The following EMSY variants were observed in gnomAD, a reference collection of about 807,000 sequenced individuals.
EMSY encodes BRCA2-interacting transcriptional repressor EMSY.
In EMSY, 26 loss-of-function variants were observed where a neutral mutation model predicts 134.6. That is an observed-to-expected ratio of 0.19 (90% CI 0.14 to 0.27). The LOEUF (loss-of-function observed/expected upper bound fraction) is 0.27. Ranked by LOEUF, EMSY falls within the 10% of genes least tolerant of loss-of-function variation. The probability of loss-of-function intolerance (pLI) is 1.00; values close to 1 mark genes in which losing one functional copy is unlikely to be tolerated. For missense variants in EMSY, 1,305 were observed against 1,611.4 expected, an observed-to-expected ratio of 0.81 and a Z score of 3.26; for synonymous variants, 579 against 577.8, an observed-to-expected ratio of 1.00 and a Z score of -0.03.
chr11:76,462,589 G>T (rs769697421), intron 6 of EMSY, among the ~76,000 whole-genome samples: 1 of 152,172 alleles, frequency 6.6e-6, no homozygotes, highest in Non-Finnish European at 1.5e-5. Context: ...CTAAGGAGAT[G>T]GCTTGTAGGA....
rs965918577 is a variant in EMSY at position 76,496,788 on chromosome 11, A to G, written c.1363+319A>G. ...ACTCACTTGTTCTCAGAGTATTTAC[A>G]TAGATTCCTTGGGATTTTCTGTGTA... is the stretch of plus-strand genomic sequence containing the variant. On this transcript the variant is annotated intron_variant, in intron 9 of 20. Transcript: ENST00000334736. The G allele has an allele frequency of 4.1e-5, 15 of 363,366 alleles. No individual in the cohort carries two copies. The Admixed American group carries it at 6.4e-4, about 16-fold the overall frequency. 22.5% of individuals were successfully genotyped at this position (363,366 alleles called of 1,614,324 possible).
At chr11:76,458,402 A>G (rs960594167) in intron 5 of EMSY, 44 bp downstream of exon 6, 27 of 1,480,942 alleles carry the variant, frequency 1.8e-5, no homozygotes, top group Non-Finnish European at 2.3e-5. Context: ...CTTTTCTTAG[A>G]ATCTTCAAGA....
At chr11:76,488,505 C>T (rs1454081498) in intron 8 of EMSY, among the ~76,000 whole-genome samples, 1 of 149,508 alleles carries the variant, frequency 6.7e-6, no homozygotes, top group Non-Finnish European at 1.5e-5. Context: ...TGTTACAGAG[C>T]CCATGGATTA....
intron 4 of EMSY, among the ~76,000 whole-genome samples, chr11:76,456,022 G>C (rs1416497627): frequency 4.6e-5 from 7 of 152,116 alleles, no homozygotes; most frequent in Admixed American, 3.9e-4. Flanking sequence ...AGTTTCATTA[G>C]TATAATCTTA....
chr11:76,542,044 T>C (rs1951458326), intron 17 of EMSY, 172 bp from the exon 19 acceptor site: 1 of 748,690 alleles, frequency 1.3e-6, no homozygotes, highest in East Asian at 2.6e-5. Context: ...TAAGAGACTT[T>C]CTTAGAGTCA....
chr11:76,485,980 A>G (rs1267242116), intron 8 of EMSY, among the ~76,000 whole-genome samples: 6 of 152,234 alleles, frequency 3.9e-5, no homozygotes, highest in Non-Finnish European at 8.8e-5. Context: ...TGTTCACAAT[A>G]GCAAAGACTT....
chr11:76,477,371 A>G (rs1414839111), intron 8 of EMSY, among the ~76,000 whole-genome samples: 6 of 151,528 alleles, frequency 4.0e-5, no homozygotes, highest in Non-Finnish European at 4.4e-5. Context: ...TGTAGTTCCA[A>G]AATCAAATCC....
chr11:76,455,499 A>G (rs545309926), intron 4 of EMSY, among the ~76,000 whole-genome samples: 1 of 152,232 alleles, frequency 6.6e-6, no homozygotes, highest in East Asian at 1.9e-4. Flanking sequence ...CTCCAAGCCT[A>G]GAAAAACAAC....
chr11:76,544,750 C>A, exon 19 of EMSY: 1 of 1,614,166 alleles, frequency 6.2e-7, no homozygotes. Flanking sequence ...AACCAAAAAT[C>A]TACGTGCAAC....
intron 4 of EMSY, 112 bp downstream of exon 5, chr11:76,454,902 T>TGCTTTCCTTCTCTTCCCCTC: frequency 3.7e-6 from 3 of 820,600 alleles, no homozygotes; most frequent in Non-Finnish European, 5.4e-6. Context: ...CCATGCCCCT[T>TGCTTTCCTTCTCTTCCCCTC]GCTTTCCTTC....
intron 9 of EMSY, among the ~76,000 whole-genome samples, chr11:76,499,023 A>C (rs929775367): frequency 1.3e-5 from 2 of 151,598 alleles, no homozygotes; most frequent in Non-Finnish European, 2.9e-5. Context: ...GTGCAGTGGC[A>C]CAATCTCAGC....
intron 4 of EMSY, 27 bp from the exon 5 acceptor site, chr11:76,454,722 C>G (rs757039129): frequency 2.0e-5 from 28 of 1,395,344 alleles, no homozygotes; most frequent in Non-Finnish European, 2.7e-5. Context: ...TTTATTTAGT[C>G]TCCTTTTCCT....
At chr11:76,486,351 G>T (rs770726757) in intron 8 of EMSY, among the ~76,000 whole-genome samples, 12 of 152,306 alleles carry the variant, frequency 7.9e-5, no homozygotes, top group Middle Eastern at 3.4e-3. Context: ...GTATACTTAT[G>T]TGACAAACCT....
chr11:76,549,346 A>G (rs1951763874), intron 20 of EMSY, among the ~76,000 whole-genome samples: 1 of 152,156 alleles, frequency 6.6e-6, no homozygotes, highest in Admixed American at 6.5e-5. Context: ...AGAGTATGAC[A>G]TGAACTGATA....
chr11:76,464,176 G>C, intron 7 of EMSY, 96 bp downstream of exon 8: 1 of 1,414,234 alleles, frequency 7.1e-7, no homozygotes, highest in Non-Finnish European at 9.7e-7. Flanking sequence ...CTATGTGCTT[G>C]GCATTATGCT....
intron 8 of EMSY, among the ~76,000 whole-genome samples, chr11:76,488,535 G>GTT (rs151320745): frequency 7.0e-6 from 1 of 142,028 alleles, no homozygotes; most frequent in Non-Finnish European, 1.5e-5. Context: ...TTTTTTTTTT[G>GTT]TTTTTTTTTT....
chr11:76,453,528 T>A, intron 4 of EMSY, 140 bp downstream of exon 4: 1 of 688,138 alleles, frequency 1.5e-6, no homozygotes, highest in Non-Finnish European at 2.2e-6. Flanking sequence ...ATCATAGCAG[T>A]AAAAGTGATA....
At chr11:76,505,142 G>T (rs1432038428) in intron 9 of EMSY, among the ~76,000 whole-genome samples, 1 of 152,148 alleles carries the variant, frequency 6.6e-6, no homozygotes, top group Non-Finnish European at 1.5e-5. Flanking sequence ...CATTTTAAAT[G>T]TGTTCATTGA....
chr11:76,467,474 G>T (rs1420120769), intron 7 of EMSY, among the ~76,000 whole-genome samples: 2 of 152,130 alleles, frequency 1.3e-5, no homozygotes, highest in South Asian at 4.1e-4. Flanking sequence ...ATATTATATT[G>T]CAAAGTTGTT....
Sources: allele counts gnomAD v4.1 joint callset (sites outside exome capture counted in the v4.1 genomes callset), GRCh38; gene constraint gnomAD v4.1.1; transcripts MANE v1.5; gene names NCBI Gene and HGNC (gene_info 2026-07-23, HGNC 2026-07-21).